USH2A: variants seen among roughly 807,000 people sequenced by gnomAD.
USH2A encodes the protein Usher syndrome 2A (autosomal recessive, mild).
Under a neutral mutation model 538.9 loss-of-function variants are expected in USH2A, and 443 were observed. The ratio of observed to expected loss-of-function variants is 0.82; its 90% CI spans 0.76 to 0.89. USH2A has a LOEUF of 0.89. Ranked by LOEUF, USH2A falls within the 40% of genes least tolerant of loss-of-function variation. USH2A has a pLI of 0.00. For missense variants in USH2A, 6,633 were observed against 6,324.8 expected, an observed-to-expected ratio of 1.05 and a Z score of -1.65; for synonymous variants, 2,413 against 2,273.5, an observed-to-expected ratio of 1.06 and a Z score of -1.75.
chr1:216,175,400 C>T lies in USH2A; in HGVS notation c.4479G>A (p.Leu1493=). The stretch of plus-strand genomic sequence containing the variant: ...GCTGATATATAGGAGAGGGTCCATT[C>T]AGTTCTTCAGGTGGAAACCACCTAA... ...IHLRWFPPEE[L]NGPSPIYQLE... The change falls in exon 21 of 72, where the codon CTG becomes CTA. Residue 1493 remains leucine (L), a synonymous_variant. Coordinates refer to ENST00000307340, the MANE Select transcript of USH2A (RefSeq NM_206933.4). 6.2e-7 allele frequency: 1 copy of T among 1,613,726 alleles called. No homozygotes were observed. Among genetic ancestry groups the T allele is most frequent in the Non-Finnish European group, 8.5e-7 (1 of 1,179,852 alleles).
chr1:215,632,445 TA>T (rs1656313016), intron 70 of USH2A, among the ~76,000 whole-genome samples: 1 of 152,174 alleles, frequency 6.6e-6, no homozygotes, highest in Admixed American at 6.5e-5. Flanking sequence ...TTCTGGTCAC[TA>T]AGTTAACCAA....
intron 23 of USH2A, among the ~76,000 whole-genome samples, chr1:216,088,212 CA>C (rs1356737505): frequency 6.6e-6 from 1 of 152,052 alleles, no homozygotes; most frequent in Non-Finnish European, 1.5e-5. Flanking sequence ...GGTCTCTGCT[CA>C]AATGTCACCT....
At chr1:216,369,828 C>T (rs2014561) in intron 3 of USH2A, among the ~76,000 whole-genome samples, 5,583 of 147,850 alleles carry the variant, frequency 0.038, 144 homozygotes, top group Middle Eastern at 0.1. Flanking sequence ...GAGGCTGAGG[C>T]GGGAGAATCT....
chr1:215,719,546 T>A (rs1659592790), intron 61 of USH2A, among the ~76,000 whole-genome samples: 1 of 152,074 alleles, frequency 6.6e-6, no homozygotes, highest in East Asian at 1.9e-4. Flanking sequence ...AACATAAGGT[T>A]TTTCACTCAT....
intron 11 of USH2A, among the ~76,000 whole-genome samples, chr1:216,266,590 A>G (rs2102574392): frequency 1.3e-5 from 2 of 152,266 alleles, no homozygotes; most frequent in South Asian, 4.1e-4. Context: ...TAAACAGACA[A>G]CAGCAACAAG....
intron 49 of USH2A, among the ~76,000 whole-genome samples, chr1:215,808,270 A>G (rs1002745024): frequency 1.3e-5 from 2 of 152,112 alleles, no homozygotes; most frequent in Admixed American, 1.3e-4. Flanking sequence ...TATGAGAAAA[A>G]TATATTAAGT....
Position 215,741,616 on chromosome 1 carries a change from A to G in USH2A, c.11549-79T>C, listed in dbSNP as rs1660307865. On this transcript the variant is annotated intron_variant, in intron 59 of 71. Transcript: ENST00000307340. ...TACATATTCATACAGAAGGGTAATG[A>G]TATCATGAAAATTATTTTAACCTGT... 4.3e-5 allele frequency: 65 copies of G among 1,500,720 alleles called. 2 individuals carry two copies. In the South Asian group the frequency reaches 7.2e-4, roughly 17 times the overall value. 93.0% of individuals were successfully genotyped at this position (1,500,720 alleles called of 1,614,324 possible).
At chr1:216,280,078 A>G (rs994512582) in intron 11 of USH2A, among the ~76,000 whole-genome samples, 5 of 151,778 alleles carry the variant, frequency 3.3e-5, no homozygotes, top group Admixed American at 2.0e-4. Context: ...GTCAAAGTAC[A>G]GAAGAGGCAT....
In USH2A at chr1:215,903,489, G is replaced by A. The variant is rs114391161; in HGVS notation, c.7301-2584C>T. 3.4e-3 allele frequency among the ~76,000 whole-genome samples: 524 copies of A among 152,184 alleles called. 4 individuals carry two copies. Among genetic ancestry groups the A allele is most frequent in the African/African-American group, 0.012 (504 of 41,562 alleles). ...ATGTTTGTTGGAAGAATCTAACACA[G>A]ATTAGGGGAAATGATACCGTAAAAG... On this transcript the variant is annotated intron_variant, in intron 38 of 71. Transcript: ENST00000307340.
rs1553268594 is a variant in USH2A, at chr1:215,846,035, T to C, written c.8846-2A>G. 6.2e-7 allele frequency: 1 copy of C among 1,612,724 alleles called. No individual in the cohort carries two copies. Among genetic ancestry groups the C allele is most frequent in the Non-Finnish European group, 8.5e-7 (1 of 1,179,336 alleles). ...CTTCACCTTGTAGGTCTTGAACAGC[T>C]GTCAACAATAAATGCAGGACATGGT... On this transcript the variant is annotated splice_acceptor_variant, in intron 44 of 71. Coordinates refer to ENST00000307340, the MANE Select transcript of USH2A (RefSeq NM_206933.4). LOFTEE classifies it high-confidence loss of function.
chr1:216,046,690 C>G lies in USH2A; in HGVS notation c.6164-98G>C, dbSNP rs546433865. The G allele has an allele frequency of 3.8e-5, 53 of 1,409,108 alleles. 1 individual carries two copies. The East Asian group carries it at 1.2e-3, about 32-fold the overall frequency. 87.3% of individuals were successfully genotyped at this position (1,409,108 alleles called of 1,614,324 possible). A position where few individuals can be genotyped will look rare whatever the true frequency, so the allele number is the denominator to read the frequency against. ...ATAAATCATGGAATAAACCTGAAAT[C>G]CCATGCATGGAAATATTCCCGATTC... is the stretch of plus-strand genomic sequence containing the variant. On this transcript the variant is annotated intron_variant, in intron 31 of 71. Transcript: ENST00000307340.
At chr1:215,985,326 T>C (rs1357082829) in intron 35 of USH2A, among the ~76,000 whole-genome samples, 1 of 152,204 alleles carries the variant, frequency 6.6e-6, no homozygotes, top group Non-Finnish European at 1.5e-5. Context: ...CAAGTAAAAG[T>C]AACAAAATTT....
At chr1:216,080,075 G>C (rs916551123) in intron 26 of USH2A, 1 of 152,054 alleles carries the variant, frequency 6.6e-6, no homozygotes, top group African/African-American at 2.4e-5. Context: ...AGTTTGAAAT[G>C]CCTATAAAAC....
chr1:215,695,769 T>G (rs141923998), intron 61 of USH2A, among the ~76,000 whole-genome samples: 2,319 of 148,612 alleles, frequency 0.016, 93 homozygotes, highest in East Asian at 0.11. Flanking sequence ...TTGTTTGTTT[T>G]TTGAGACAGA....
At chr1:216,066,322 A>T (rs2031368158) in intron 30 of USH2A, among the ~76,000 whole-genome samples, 1 of 151,994 alleles carries the variant, frequency 6.6e-6, no homozygotes, top group African/African-American at 2.4e-5. Flanking sequence ...TACAAAAAAA[A>T]TTACCCGGGC....
intron 16 of USH2A, among the ~76,000 whole-genome samples, chr1:216,204,568 G>T (rs2035070824): frequency 6.6e-6 from 1 of 152,008 alleles, no homozygotes; most frequent in African/African-American, 2.4e-5. Context: ...ATTCTATAAA[G>T]GTCTCAAACA....
Position 216,246,784 on chromosome 1 carries a change from G to T in USH2A, c.2610C>A (p.Cys870Ter), listed in dbSNP as rs767078782. 15 of 1,614,016 alleles carry T rather than the reference G, an allele frequency of 9.3e-6. No homozygotes were observed. The highest frequency in any genetic ancestry group is 1.2e-5 in the Non-Finnish European group (14 of 1,180,002). ...LCNKSTGQCP[C>*]KLGVTGLRCN... ...AGCGAAGACCTGTTACCCCTAATTTGCAAGGACATTGTCCTGTTGATTTGT... is the reference window on the plus strand; with the variant it reads ...AGCGAAGACCTGTTACCCCTAATTTTCAAGGACATTGTCCTGTTGATTTGT... Residue 870 changes from cysteine to a stop codon, truncating the protein, a stop_gained, in exon 13 of 72, where the codon TGC becomes TGA. Coordinates refer to ENST00000307340, the MANE Select transcript of USH2A (RefSeq NM_206933.4). LOFTEE classifies it high-confidence loss of function.
intron 71 of USH2A, among the ~76,000 whole-genome samples, chr1:215,626,155 T>C (rs1477495719): frequency 6.6e-6 from 1 of 151,568 alleles, no homozygotes; most frequent in African/African-American, 2.4e-5. Flanking sequence ...AGTCTACTCA[T>C]CTGTAGAGTG....
At chr1:215,843,558 A>C (rs1224661943) in intron 46 of USH2A, among the ~76,000 whole-genome samples, 1 of 152,156 alleles carries the variant, frequency 6.6e-6, no homozygotes, top group African/African-American at 2.4e-5. Context: ...TTATGTGTTA[A>C]ATTTTGTCAT....
Sources: gnomAD v4.1 joint callset for allele counts (sites outside exome capture counted in the v4.1 genomes callset) on GRCh38, gnomAD v4.1.1 for gene constraint, MANE v1.5 for transcripts, NCBI Gene and HGNC (gene_info 2026-07-23, HGNC 2026-07-21) for gene names.